The following STARD13 variants were observed in gnomAD, a reference collection of about 807,000 sequenced individuals.
STARD13 encodes StAR related lipid transfer domain containing 13, also known as stAR-related lipid transfer protein 13.
In STARD13, 62 loss-of-function variants were observed where a neutral mutation model predicts 106.4. The observed-to-expected ratio is 0.58, with a 90% CI of 0.48 to 0.72. The LOEUF (loss-of-function observed/expected upper bound fraction) is 0.72. Among genes scored for constraint, STARD13 ranks in the 30% least tolerant of loss-of-function variants. The probability of loss-of-function intolerance (pLI) is 0.00; values close to 1 mark genes in which losing one functional copy is unlikely to be tolerated. For missense variants in STARD13, 1,387 were observed against 1,424.0 expected (o/e 0.97, Z 0.42); for synonymous variants, 565 against 553.0 (o/e 1.02, Z -0.31).
the STARD13 span, among the ~76,000 whole-genome samples, chr13:33,538,366 G>A: frequency 1.1e-4 from 16 of 152,170 alleles, no homozygotes; most frequent in Non-Finnish European, 1.6e-4. Flanking sequence ...GGAGTCCACT[G>A]ATTGAGAAAA....
chr13:33,470,259 C>T, the STARD13 span, among the ~76,000 whole-genome samples: 45 of 152,126 alleles, frequency 3.0e-4, no homozygotes, highest in East Asian at 7.7e-4. Flanking sequence ...TAGTATTCCG[C>T]GGTGTATATG....
chr13:33,335,602 C>T (rs538118536), intron 1 of STARD13, among the ~76,000 whole-genome samples: 66 of 152,236 alleles, frequency 4.3e-4, no homozygotes, highest in Non-Finnish European at 8.1e-4. Context: ...AGGTCTCTTC[C>T]GCCTAAAGTA....
intron 1 of STARD13, among the ~76,000 whole-genome samples, chr13:33,224,501 A>G (rs1351875070): frequency 6.6e-6 from 1 of 152,216 alleles, no homozygotes; most frequent in Non-Finnish European, 1.5e-5. Context: ...ACACAGCGTG[A>G]TGGAGACTTC....
chr13:33,170,449 G>A (rs1883828196), intron 1 of STARD13, among the ~76,000 whole-genome samples: 1 of 152,120 alleles, frequency 6.6e-6, no homozygotes, highest in Non-Finnish European at 1.5e-5. Context: ...TTTTATGACA[G>A]CAACATGGAT....
chr13:33,451,933 A>G, the STARD13 span, among the ~76,000 whole-genome samples: 1 of 152,246 alleles, frequency 6.6e-6, no homozygotes, highest in Non-Finnish European at 1.5e-5. Context: ...GACCTTGGCA[A>G]GAGCCAGAAG....
intron 1 of STARD13, among the ~76,000 whole-genome samples, chr13:33,250,480 G>A (rs1267445346): frequency 6.6e-6 from 1 of 152,214 alleles, no homozygotes; most frequent in African/African-American, 2.4e-5. Flanking sequence ...GAGAGTTGCA[G>A]ATGTGGCATG....
chr13:33,598,484 G>T, the STARD13 span, among the ~76,000 whole-genome samples: 8 of 152,088 alleles, frequency 5.3e-5, no homozygotes, highest in African/African-American at 1.7e-4. Flanking sequence ...ACAGTTATTT[G>T]TTTATGCATC....
Position 33,274,645 on chromosome 13 carries a change from TTACATGA to T in STARD13, c.169+10818_169+10824del, listed in dbSNP as rs577635196. Reference sequence around the variant, plus strand: ...AGTTACAGATTGATCCGTTCACCCCTTACATGATAGAAGAGAAAATGTAGAACCGGAA... The same window carrying T: ...AGTTACAGATTGATCCGTTCACCCCTTAGAAGAGAAAATGTAGAACCGGAA... On this transcript the variant is annotated intron_variant, in intron 1 of 13. Coordinates refer to ENST00000336934, the MANE Select transcript of STARD13 (RefSeq NM_178006.4). Among the ~76,000 whole-genome samples, 405 of 152,260 alleles carry T rather than the reference TTACATGA, an allele frequency of 2.7e-3. 1 individual carries two copies. The highest frequency in any genetic ancestry group is 8.6e-3 in the African/African-American group (357 of 41,548).
chr13:33,554,603 A>G, the STARD13 span, among the ~76,000 whole-genome samples: 89 of 152,352 alleles, frequency 5.8e-4, 1 homozygote, highest in South Asian at 0.018. Flanking sequence ...TACAAAGTAA[A>G]GTTACCTAAT....
the STARD13 span, among the ~76,000 whole-genome samples, chr13:33,662,290 T>C: frequency 6.6e-6 from 1 of 152,110 alleles, no homozygotes; most frequent in African/African-American, 2.4e-5. Context: ...ATTTATTTCT[T>C]GCCCAACCAC....
chr13:33,672,590 G>A, the STARD13 span, among the ~76,000 whole-genome samples: 1 of 152,124 alleles, frequency 6.6e-6, no homozygotes, highest in Non-Finnish European at 1.5e-5. Context: ...TTCCTTAGTT[G>A]TTCAAACTTT....
the STARD13 span, among the ~76,000 whole-genome samples, chr13:33,374,523 G>A: frequency 3.2e-4 from 49 of 152,272 alleles, no homozygotes; most frequent in African/African-American, 1.2e-3. Flanking sequence ...TATAAAATTA[G>A]TACTAGAATA....
chr13:33,412,003 A>G, the STARD13 span, among the ~76,000 whole-genome samples: 1 of 152,232 alleles, frequency 6.6e-6, no homozygotes, highest in African/African-American at 2.4e-5. Flanking sequence ...TGAAAGAAGA[A>G]AGGAGGGAAA....
chr13:33,216,414 C>T (rs1888045627), intron 1 of STARD13, among the ~76,000 whole-genome samples: 1 of 152,194 alleles, frequency 6.6e-6, no homozygotes, highest in Admixed American at 6.5e-5. Flanking sequence ...GCATTCACAG[C>T]AACCTGGGTG....
At chr13:33,138,975 G>A in intron 4 of STARD13, 2 of 363,904 alleles carry the variant, frequency 5.5e-6, no homozygotes, top group Admixed American at 3.4e-5. Context: ...AACCAGGCAT[G>A]AAAAAGCCTT....
At chr13:33,638,518 A>G in the STARD13 span, among the ~76,000 whole-genome samples, 2 of 152,338 alleles carry the variant, frequency 1.3e-5, no homozygotes, top group East Asian at 3.9e-4. Context: ...AATAGAAAAG[A>G]GTGTCTGGGT....
intron 1 of STARD13, among the ~76,000 whole-genome samples, chr13:33,196,656 T>C (rs191358146): frequency 1.2e-4 from 18 of 152,294 alleles, no homozygotes; most frequent in Admixed American, 1.1e-3. Flanking sequence ...TGCTTATCTT[T>C]AACCAAACTA....
At chr13:33,648,096 C>T in the STARD13 span, among the ~76,000 whole-genome samples, 1 of 152,174 alleles carries the variant, frequency 6.6e-6, no homozygotes, top group Non-Finnish European at 1.5e-5. Flanking sequence ...ATCTTTCCAA[C>T]TGCCTCATGA....
the STARD13 span, among the ~76,000 whole-genome samples, chr13:33,406,495 C>T: frequency 6.6e-6 from 1 of 152,208 alleles, no homozygotes; most frequent in African/African-American, 2.4e-5. Context: ...AACTGATCAA[C>T]ACATAACTTT....
Sources: gnomAD v4.1 joint callset for allele counts (sites outside exome capture counted in the v4.1 genomes callset) on GRCh38, gnomAD v4.1.1 for gene constraint, MANE v1.5 for transcripts, NCBI Gene and HGNC (gene_info 2026-07-23, HGNC 2026-07-21) for gene names.